HCN1: variants seen among roughly 807,000 people sequenced by gnomAD.
HCN1 encodes potassium/sodium hyperpolarization-activated cyclic nucleotide-gated channel 1.
In HCN1, 13 loss-of-function variants were observed where a neutral mutation model predicts 78.9. The observed-to-expected ratio is 0.16, with a 90% CI of 0.11 to 0.26. HCN1 has a LOEUF of 0.26. HCN1 is among the 10% of genes least tolerant of loss of function. HCN1 has a pLI of 1.00. For synonymous variants in HCN1, 552 were observed against 455.5 expected, an observed-to-expected ratio of 1.21 and a Z score of -2.70; for missense variants, 810 against 1,154.3, an observed-to-expected ratio of 0.70 and a Z score of 4.32.
At chr5:45,328,593 C>T (rs1484247505) in intron 5 of HCN1, among the ~76,000 whole-genome samples, 1 of 151,616 alleles carries the variant, frequency 6.6e-6, no homozygotes, top group Admixed American at 6.6e-5. Context: ...TATGAAGTGA[C>T]TCAAGCATTG....
intron 2 of HCN1, among the ~76,000 whole-genome samples, chr5:45,625,550 G>A (rs1745147313): frequency 6.6e-6 from 1 of 151,378 alleles, no homozygotes; most frequent in Admixed American, 6.6e-5. Flanking sequence ...AAAACATGAA[G>A]AGCTCTAATT....
intron 2 of HCN1, among the ~76,000 whole-genome samples, chr5:45,610,796 A>G (rs946066524): frequency 6.6e-6 from 1 of 151,754 alleles, no homozygotes; most frequent in Admixed American, 6.6e-5. Context: ...TAATAGTCAA[A>G]TTACTTCTGC....
At chr5:45,454,064 A>C (rs1740976897) in intron 3 of HCN1, among the ~76,000 whole-genome samples, 1 of 152,142 alleles carries the variant, frequency 6.6e-6, no homozygotes, top group African/African-American at 2.4e-5. Context: ...TTGCTAAAGC[A>C]ACTCAAGGTC....
intron 2 of HCN1, among the ~76,000 whole-genome samples, chr5:45,519,082 G>T (rs1199052521): frequency 6.6e-6 from 1 of 151,882 alleles, no homozygotes; most frequent in Non-Finnish European, 1.5e-5. Context: ...ATCAAGTTAT[G>T]CTAGCATAAA....
chr5:45,405,630 ACTCCTGGCTTGAAGCAAT>A (rs1443364431), intron 3 of HCN1, among the ~76,000 whole-genome samples: 1 of 151,834 alleles, frequency 6.6e-6, no homozygotes, highest in East Asian at 1.9e-4. Context: ...CTGGTTTCAA[ACTCCTGGCTTGAAGCAAT>A]CTTCGTGGCT....
At chr5:45,372,034 A>T (rs1421201534) in intron 4 of HCN1, among the ~76,000 whole-genome samples, 2 of 61,736 alleles carry the variant, frequency 3.2e-5, no homozygotes, top group Non-Finnish European at 5.1e-5. Flanking sequence ...TAATATAATT[A>T]TATATATATT....
chr5:45,568,262 T>C (rs1474431100), intron 2 of HCN1, among the ~76,000 whole-genome samples: 3 of 152,130 alleles, frequency 2.0e-5, no homozygotes, highest in Non-Finnish European at 4.4e-5. Flanking sequence ...TAAAAATATT[T>C]AATAATTTGT....
At chr5:45,651,022 T>C (rs954652950) in intron 1 of HCN1, among the ~76,000 whole-genome samples, 2 of 152,066 alleles carry the variant, frequency 1.3e-5, no homozygotes, top group Non-Finnish European at 1.5e-5. Flanking sequence ...TTTCTCTAAA[T>C]ATTGAATGAA....
intron 2 of HCN1, among the ~76,000 whole-genome samples, chr5:45,546,799 T>C (rs554261189): frequency 6.6e-6 from 1 of 151,974 alleles, no homozygotes; most frequent in South Asian, 2.1e-4. Flanking sequence ...AACTATACTA[T>C]GCTATTTAAA....
intron 3 of HCN1, among the ~76,000 whole-genome samples, chr5:45,451,125 G>A (rs182953052): frequency 1.3e-5 from 2 of 152,032 alleles, no homozygotes; most frequent in Admixed American, 1.3e-4. Context: ...TTAAATGATC[G>A]AGAAATACAT....
Position 45,261,930 on chromosome 5 carries a change from T to C in HCN1, c.2664A>G (p.Ser888=). ...TGACAATCAGCAGGGATCATAAATT[T>C]GAAGCAAATCGTGGCTTTTCTGCGT... The part of the protein sequence containing the change: ...DPDAEKPRFA[S]NL The change falls in exon 8 of 8, where the codon TCA becomes TCG. Residue 888 remains serine (S), a synonymous_variant. Coordinates refer to ENST00000303230, the MANE Select transcript of HCN1 (RefSeq NM_021072.4). 6.2e-7 allele frequency: 1 copy of C among 1,614,140 alleles called. No individual in the cohort carries two copies. Among genetic ancestry groups the C allele is most frequent in the South Asian group, 1.1e-5 (1 of 91,082 alleles).
At chr5:45,524,436 G>A (rs372475420) in intron 2 of HCN1, among the ~76,000 whole-genome samples, 1 of 151,982 alleles carries the variant, frequency 6.6e-6, no homozygotes, top group African/African-American at 2.4e-5. Context: ...CATTGAATCT[G>A]TAAATTACCT....
chr5:45,313,125 C>A (rs1036090297), intron 5 of HCN1, among the ~76,000 whole-genome samples: 2 of 152,188 alleles, frequency 1.3e-5, no homozygotes, highest in Non-Finnish European at 2.9e-5. Flanking sequence ...CCAGTAGGGG[C>A]AGACTGACAC....
chr5:45,471,177 A>G (rs1561167335), intron 2 of HCN1, among the ~76,000 whole-genome samples: 2 of 151,968 alleles, frequency 1.3e-5, no homozygotes, highest in African/African-American at 4.8e-5. Context: ...GTGAAAAGAT[A>G]AAGAACTTTA....
At chr5:45,670,067 T>C (rs2112074013) in intron 1 of HCN1, among the ~76,000 whole-genome samples, 1 of 151,592 alleles carries the variant, frequency 6.6e-6, no homozygotes, top group African/African-American at 2.4e-5. Flanking sequence ...AAAAAATAAA[T>C]ATGAAGAGTA....
chr5:45,262,913 A>C, intron 7 of HCN1, 103 bp from the exon 8 acceptor site: 1 of 1,286,228 alleles, frequency 7.8e-7, no homozygotes, highest in South Asian at 1.2e-5. Flanking sequence ...TGTGCTTCAC[A>C]GGAGAGGCTT....
chr5:45,297,441 T>A (rs754170524), intron 6 of HCN1, among the ~76,000 whole-genome samples: 3 of 152,102 alleles, frequency 2.0e-5, no homozygotes, highest in Non-Finnish European at 4.4e-5. Context: ...GGCCAGATTT[T>A]GGGGGGCTTG....
chr5:45,499,097 T>C (rs1299387016), intron 2 of HCN1, among the ~76,000 whole-genome samples: 1 of 152,164 alleles, frequency 6.6e-6, no homozygotes, highest in Admixed American at 6.5e-5. Flanking sequence ...CCTTGAGCTG[T>C]GGTGGGCTCC....
At chr5:45,286,152 T>C (rs559515440) in intron 6 of HCN1, among the ~76,000 whole-genome samples, 1 of 152,094 alleles carries the variant, frequency 6.6e-6, no homozygotes, top group South Asian at 2.1e-4. Context: ...TTTTGTGTCT[T>C]CTCTCAGTGG....
Sources: allele counts gnomAD v4.1 joint callset (sites outside exome capture counted in the v4.1 genomes callset), GRCh38; gene constraint gnomAD v4.1.1; transcripts MANE v1.5; gene names NCBI Gene and HGNC (gene_info 2026-07-23, HGNC 2026-07-21).